The following MRPL52 variants were observed in gnomAD, a reference collection of about 807,000 sequenced individuals.
MRPL52 encodes the protein mitochondrial ribosomal protein L52.
Under a neutral mutation model 22.1 loss-of-function variants are expected in MRPL52, and 19 were observed. The observed-to-expected ratio is 0.86, with a 90% CI of 0.60 to 1.26. MRPL52 has a LOEUF of 1.26. MRPL52 is among the 50% of genes most tolerant of loss of function. MRPL52 has a pLI of 0.00. For missense variants in MRPL52, 152 were observed against 148.1 expected (o/e 1.03, Z -0.14); for synonymous variants, 50 against 57.5 (o/e 0.87, Z 0.59).
chr14:22,830,786 G>A (rs1482965152), intron 3 of MRPL52: 1 of 530,470 alleles, frequency 1.9e-6, no homozygotes, highest in Admixed American at 3.5e-5. Context: ...AGAAGTTGAA[G>A]CTACTCCCCA....
At chr14:22,832,578 G>T (rs939397659) in intron 3 of MRPL52, among the ~76,000 whole-genome samples, 1 of 151,928 alleles carries the variant, frequency 6.6e-6, no homozygotes, top group Non-Finnish European at 1.5e-5. Context: ...CTGACCTCGT[G>T]ATCCGCCTGC....
intron 3 of MRPL52, chr14:22,830,872 T>C (rs1442789032): frequency 1.2e-6 from 1 of 826,158 alleles, no homozygotes; most frequent in Non-Finnish European, 1.9e-6. Flanking sequence ...ATCATACAGC[T>C]AGGTAGTAGC....
rs914000388 is a variant in MRPL52, at chr14:22,830,915, T to C, written c.154+661T>C. 4.5e-6 allele frequency: 6 copies of C among 1,336,806 alleles called. No homozygotes were observed. The African/African-American group carries it at 8.7e-5, about 19-fold the overall frequency. 82.8% of individuals were successfully genotyped at this position (1,336,806 alleles called of 1,614,324 possible). A position where few individuals can be genotyped will look rare whatever the true frequency, so the allele number is the denominator to read the frequency against. On this transcript the variant is annotated intron_variant, in intron 3 of 4. Transcript: ENST00000397496. ...GGACTAGAACATAGGCCAGTCCTCC[T>C]TGACAACACAGAGATCTGAATATTT...
intron 3 of MRPL52, among the ~76,000 whole-genome samples, chr14:22,832,334 G>GT (rs1181163972): frequency 4.0e-5 from 6 of 151,512 alleles, no homozygotes; most frequent in Admixed American, 1.3e-4. Flanking sequence ...AGAGTTTCTG[G>GT]TTTTTTTTGT....
intron 2 of MRPL52, 24 bp downstream of exon 2, chr14:22,830,134 T>C (rs1042147455): frequency 6.2e-7 from 1 of 1,614,178 alleles, no homozygotes; most frequent in Non-Finnish European, 8.5e-7. Context: ...TGAGGGCACC[T>C]GGGGGACCAG....
At chr14:22,831,106 CT>C (rs36143447) in intron 3 of MRPL52, 456 of 166,440 alleles carry the variant, frequency 2.7e-3, no homozygotes, top group East Asian at 6.7e-3. Context: ...CATATGACTG[CT>C]TTTTTTTTTT....
chr14:22,829,984 GGGACGGGCACA>G lies in MRPL52; in HGVS notation c.28+49_29-54del, dbSNP rs1451327862. On this transcript the variant is annotated intron_variant, in intron 1 of 4. Coordinates refer to ENST00000397496, the MANE Select transcript of MRPL52 (RefSeq NM_180982.3). Reference sequence around the variant, plus strand: ...GGACCGTGGACTCGGGGGCCCTTTGGGGACGGGCACAGGACCCCTGATCCGGCTGCGCGGCC... The same window carrying G: ...GGACCGTGGACTCGGGGGCCCTTTGGGGACCCCTGATCCGGCTGCGCGGCC... The G allele has an allele frequency of 3.1e-5, 50 of 1,612,850 alleles. No homozygotes were observed. In the Admixed American group the frequency reaches 8.4e-4, roughly 27 times the overall value.
In MRPL52 at chr14:22,834,181, G is replaced by A. The variant is rs773835333; in HGVS notation, c.229G>A (p.Val77Ile). ...AERETFARRV[V>I]LLSQEMDAGL... ...TTCCTGTCTGTTTCAGAGACGAGTT[G>A]TACTGCTGTCACAGGAAATGGACGC... Residue 77 changes from valine to isoleucine, a missense_variant, in exon 5 of 5, where the codon GTA (valine) becomes ATA (isoleucine). By Grantham distance (29) the Val-to-Ile change is conservative. Coordinates refer to ENST00000397496, the MANE Select transcript of MRPL52 (RefSeq NM_180982.3). The A allele has an allele frequency of 3.7e-6, 6 of 1,614,050 alleles. No individual in the cohort carries two copies. Among genetic ancestry groups the A allele is most frequent in the Admixed American group, 1.7e-5 (1 of 59,988 alleles).
intron 4 of MRPL52, among the ~76,000 whole-genome samples, chr14:22,833,798 T>C (rs1327100769): frequency 6.6e-6 from 1 of 152,130 alleles, no homozygotes; most frequent in African/African-American, 2.4e-5. Context: ...ACTTTGTATT[T>C]TTAGTAGAGA....
At chr14:22,831,983 GGCGACGGA>G (rs1369009127) in intron 3 of MRPL52, 1 of 152,088 alleles carries the variant, frequency 6.6e-6, no homozygotes, top group Non-Finnish European at 1.5e-5. Context: ...CTCCAGCCTG[GGCGACGGA>G]GCGAGACCTT....
chr14:22,833,423 C>T lies in MRPL52; in HGVS notation c.160C>T (p.Arg54Cys), dbSNP rs750625277. ...TCTCTCACTTCTACTTGTAGATGGC[C>T]GCCCTGCTCCCCCAATGAAAGGCCA... ...ELPDWSYADG[R>C]PAPPMKGQLR... is the part of the protein sequence containing the mutation. Residue 54 changes from arginine to cysteine, a missense_variant, in exon 4 of 5, where the codon CGC becomes TGC. Coordinates refer to ENST00000397496, the MANE Select transcript of MRPL52 (RefSeq NM_180982.3). The T allele has an allele frequency of 4.3e-6, 7 of 1,612,522 alleles. No homozygotes were observed. The highest frequency in any genetic ancestry group is 1.7e-5 in the Admixed American group (1 of 59,996).
chr14:22,830,993 G>T, intron 3 of MRPL52: 1 of 1,533,552 alleles, frequency 6.5e-7, no homozygotes, highest in Non-Finnish European at 8.7e-7. Flanking sequence ...TGGATAATTG[G>T]TGACTGAGGA....
At chr14:22,832,143 G>A (rs1428449050) in intron 3 of MRPL52, 1 of 152,206 alleles carries the variant, frequency 6.6e-6, no homozygotes, top group African/African-American at 2.4e-5. Flanking sequence ...TAAATATTCA[G>A]TACTTCTTTC....
intron 3 of MRPL52, chr14:22,831,209 C>T (rs2039611122): frequency 5.7e-6 from 3 of 529,674 alleles, no homozygotes; most frequent in South Asian, 2.4e-5. Flanking sequence ...ATCTCCTGGG[C>T]TCAAGCAGTC....
rs755934125 is a variant in MRPL52, at chr14:22,833,431, T to A, written c.168T>A (p.Ala56=). 6.8e-6 allele frequency: 11 copies of A among 1,613,030 alleles called. No homozygotes were observed. The Admixed American group carries it at 1.2e-4, about 17-fold the overall frequency. The stretch of plus-strand genomic sequence containing the variant: ...TTCTACTTGTAGATGGCCGCCCTGC[T>A]CCCCCAATGAAAGGCCAGCTTCGAA... ...PDWSYADGRP[A]PPMKGQLRRK... The change falls in exon 4 of 5, where the codon GCT becomes GCA. Residue 56 remains alanine, a synonymous_variant. Coordinates refer to ENST00000397496, the MANE Select transcript of MRPL52 (RefSeq NM_180982.3).
At chr14:22,831,135 T>C (rs1490232566) in intron 3 of MRPL52, 5 of 516,690 alleles carry the variant, frequency 9.7e-6, no homozygotes, top group East Asian at 4.7e-5. Context: ...TTTTTTGAGA[T>C]GGGGTCTTGC....
At position 22,834,175 on chromosome 14, in the gene MRPL52, C is replaced by T. The variant is rs771197424; in HGVS notation, c.223C>T (p.Arg75Ter). The T allele has an allele frequency of 1.2e-5, 19 of 1,613,794 alleles. No individual in the cohort carries two copies. Among genetic ancestry groups the T allele is most frequent in the Admixed American group, 1.7e-5 (1 of 59,908 alleles). Residue 75 changes from arginine to a stop codon, truncating the protein, a stop_gained, in exon 5 of 5, where the codon CGA becomes TGA. Transcript: ENST00000397496. LOFTEE classifies it high-confidence loss of function. ...ACTGTTTTCCTGTCTGTTTCAGAGA[C>T]GAGTTGTACTGCTGTCACAGGAAAT... ...RKAERETFAR[R>*]VVLLSQEMDA...
chr14:22,831,110 T>TTTTTTTTTTTG (rs2039605714), intron 3 of MRPL52: 1 of 551,330 alleles, frequency 1.8e-6, no homozygotes, highest in Non-Finnish European at 2.8e-6. Flanking sequence ...TGACTGCTTT[T>TTTTTTTTTTTG]TTTTTTTTTT....
At chr14:22,833,185 A>G (rs1023776156) in intron 3 of MRPL52, 2 of 420,950 alleles carry the variant, frequency 4.8e-6, no homozygotes, top group Non-Finnish European at 8.5e-6. Flanking sequence ...AAAAAATAAT[A>G]AATAAATGAA....
Sources: gnomAD v4.1 joint callset for allele counts (sites outside exome capture counted in the v4.1 genomes callset) on GRCh38, gnomAD v4.1.1 for gene constraint, MANE v1.5 for transcripts, NCBI Gene and HGNC (gene_info 2026-07-23, HGNC 2026-07-21) for gene names.